The following LYPD6B variants were observed in gnomAD, a reference collection of about 807,000 sequenced individuals.
LYPD6B encodes the protein LY6/PLAUR domain containing 6B.
A neutral mutation model predicts 22.8 loss-of-function variants in LYPD6B; 17 were observed. That is an observed-to-expected ratio of 0.75 (90% CI 0.51 to 1.12). The LOEUF (loss-of-function observed/expected upper bound fraction) is 1.12. Among genes scored for constraint, LYPD6B ranks in the 50% most tolerant of loss-of-function variants. The pLI is 0.00. For synonymous variants in LYPD6B, 106 were observed against 91.6 expected (o/e 1.16, Z -0.90); for missense variants, 221 against 258.3 (o/e 0.86, Z 0.99).
At chr2:149,182,335 A>G (rs1302420206) in intron 3 of LYPD6B, among the ~76,000 whole-genome samples, 8 of 152,222 alleles carry the variant, frequency 5.3e-5, no homozygotes, top group Non-Finnish European at 1.5e-5. Context: ...CATGGTGGTT[A>G]TCACAGTGTT....
intron 1 of LYPD6B, among the ~76,000 whole-genome samples, chr2:149,077,997 C>T (rs942103513): frequency 2.6e-5 from 4 of 152,128 alleles, no homozygotes; most frequent in Non-Finnish European, 5.9e-5. Flanking sequence ...ACTTTGTTAA[C>T]GTGTCTGTGT....
intron 3 of LYPD6B, among the ~76,000 whole-genome samples, chr2:149,185,623 G>C (rs192777153): frequency 6.6e-6 from 1 of 152,170 alleles, no homozygotes; most frequent in African/African-American, 2.4e-5. Flanking sequence ...GTAGAAGGAG[G>C]CTGATTTGGA....
intron 4 of LYPD6B, among the ~76,000 whole-genome samples, chr2:149,207,242 T>C (rs995538894): frequency 6.6e-6 from 1 of 152,168 alleles, no homozygotes; most frequent in African/African-American, 2.4e-5. Flanking sequence ...CTCCAAACTT[T>C]AGCTTTTGAT....
At chr2:149,191,308 T>G (rs1325631941) in intron 3 of LYPD6B, among the ~76,000 whole-genome samples, 1 of 152,328 alleles carries the variant, frequency 6.6e-6, no homozygotes, top group East Asian at 1.9e-4. Flanking sequence ...TGTAAAATTA[T>G]TTAATAAAAT....
chr2:149,122,256 G>T (rs1039540149), intron 1 of LYPD6B, among the ~76,000 whole-genome samples: 3 of 152,228 alleles, frequency 2.0e-5, no homozygotes, highest in Admixed American at 1.3e-4. Context: ...TGCTGTGCTT[G>T]CTCTGTGGCC....
chr2:149,207,053 A>C (rs1361510894), intron 4 of LYPD6B, among the ~76,000 whole-genome samples: 1 of 152,178 alleles, frequency 6.6e-6, no homozygotes, highest in Non-Finnish European at 1.5e-5. Context: ...TGGAATTACT[A>C]AATCAAAAAG....
chr2:149,214,397 C>A, intron 6 of LYPD6B, 149 bp from the exon 7 acceptor site: 1 of 695,940 alleles, frequency 1.4e-6, no homozygotes, highest in Non-Finnish European at 2.4e-6. Flanking sequence ...GAAGGGTACC[C>A]AAGAGCCTAG....
At position 149,214,920 on chromosome 2, in the gene LYPD6B, T is replaced by C. The variant is rs1008022920; in HGVS notation, c.*210T>C. On this transcript the variant is annotated 3_prime_UTR_variant, in exon 7 of 7. Transcript: ENST00000409642. Reference sequence around the variant, plus strand: ...GGGAATTTGGCAGGGCCTGAGAAGATGGTCTGACTTCCAGGCTTCCTGGTC... The same window carrying C: ...GGGAATTTGGCAGGGCCTGAGAAGACGGTCTGACTTCCAGGCTTCCTGGTC... The C allele has an allele frequency of 1.7e-6, 1 of 574,230 alleles. No homozygotes were observed. The highest frequency in any genetic ancestry group is 1.9e-5 in the African/African-American group (1 of 53,660). 35.6% of individuals were successfully genotyped at this position (574,230 alleles called of 1,614,324 possible). A position where few individuals can be genotyped will look rare whatever the true frequency, so the allele number is the denominator to read the frequency against.
chr2:149,168,211 CAAAAAAAAAAAAAAAA>C (rs386391472), intron 3 of LYPD6B, among the ~76,000 whole-genome samples: 2 of 48,488 alleles, frequency 4.1e-5, no homozygotes, highest in Non-Finnish European at 4.1e-5. Flanking sequence ...GGCTCTGTCT[CAAAAAAAAAAAAAAAA>C]AAAAAAAAGA....
chr2:149,202,652 G>C (rs1275188547), intron 3 of LYPD6B, among the ~76,000 whole-genome samples: 1 of 152,114 alleles, frequency 6.6e-6, no homozygotes, highest in African/African-American at 2.4e-5. Flanking sequence ...ATTTGCATTA[G>C]AGTCAAGACC....
chr2:149,048,573 C>T (rs1214047024), intron 1 of LYPD6B, among the ~76,000 whole-genome samples: 1 of 152,186 alleles, frequency 6.6e-6, no homozygotes, highest in Non-Finnish European at 1.5e-5. Flanking sequence ...CTCAAGTAGA[C>T]AAGTGCTCAT....
chr2:149,160,721 C>T (rs1178422387), intron 2 of LYPD6B, 43 bp from the exon 3 acceptor site: 14 of 1,354,202 alleles, frequency 1.0e-5, no homozygotes, highest in South Asian at 8.8e-5. Flanking sequence ...CGTTACTCAT[C>T]GTCAGCAGTG....
intron 1 of LYPD6B, among the ~76,000 whole-genome samples, chr2:149,104,301 T>G (rs1328246455): frequency 6.6e-6 from 1 of 152,160 alleles, no homozygotes; most frequent in Non-Finnish European, 1.5e-5. Context: ...ATTTGGTAGT[T>G]GTGTAGACAG....
intron 1 of LYPD6B, among the ~76,000 whole-genome samples, chr2:149,051,254 C>G (rs939805814): frequency 2.0e-5 from 3 of 151,990 alleles, no homozygotes; most frequent in Admixed American, 6.6e-5. Context: ...TAAGCTCCGC[C>G]TCCTGGGTTC....
At chr2:149,118,029 C>T (rs375931382) in intron 1 of LYPD6B, 7 of 152,058 alleles carry the variant, frequency 4.6e-5, no homozygotes, top group African/African-American at 1.7e-4. Context: ...TTTGAGTGTC[C>T]TCATGATGTG....
rs768870415 is a variant in LYPD6B at position 149,075,341 on chromosome 2, TTGAC to T, written c.-67+36543_-67+36546del. 9.7e-4 allele frequency among the ~76,000 whole-genome samples: 148 copies of T among 152,210 alleles called. 1 individual carries two copies. In the Middle Eastern group the frequency reaches 0.01, roughly 10 times the overall value. ...GTAGACACAGACAATCAAGTGTAGA[TTGAC>T]TGTTTCTATTTAGATGGGTCTATAT... is the stretch of plus-strand genomic sequence containing the variant. On this transcript the variant is annotated intron_variant, in intron 1 of 6. Transcript: ENST00000409642.
intron 5 of LYPD6B, 78 bp from the exon 6 acceptor site, chr2:149,212,914 G>GTTCTCTTAATTAATCTCT: frequency 1.4e-6 from 2 of 1,440,206 alleles, no homozygotes; most frequent in Non-Finnish European, 1.9e-6. Flanking sequence ...TGCATTAATT[G>GTTCTCTTAATTAATCTCT]TTAAGAGATC....
At chr2:149,209,687 A>T (rs1196478968) in intron 5 of LYPD6B, among the ~76,000 whole-genome samples, 1 of 152,162 alleles carries the variant, frequency 6.6e-6, no homozygotes, top group Non-Finnish European at 1.5e-5. Context: ...TACATTGGAG[A>T]CCTCTACTAT....
chr2:149,090,965 T>C (rs540379999), intron 1 of LYPD6B, among the ~76,000 whole-genome samples: 1 of 152,284 alleles, frequency 6.6e-6, no homozygotes, highest in African/African-American at 2.4e-5. Context: ...TTGAATTTGT[T>C]CTGGTCCATT....
Sources: gnomAD v4.1 joint callset for allele counts (sites outside exome capture counted in the v4.1 genomes callset) on GRCh38, gnomAD v4.1.1 for gene constraint, MANE v1.5 for transcripts, NCBI Gene and HGNC (gene_info 2026-07-23, HGNC 2026-07-21) for gene names.